NTN1: variants seen among roughly 807,000 people sequenced by gnomAD.
NTN1 encodes the protein netrin 1, also known as netrin-1.
NTN1 carries 11 observed loss-of-function variants against 54.2 expected under a neutral mutation model. The observed-to-expected ratio is 0.20, with a 90% CI of 0.13 to 0.34. NTN1 has a LOEUF of 0.34. Ranked by LOEUF, NTN1 falls within the 10% of genes least tolerant of loss-of-function variation. The pLI is 1.00. For missense variants in NTN1, 740 were observed against 893.1 expected, an observed-to-expected ratio of 0.83 and a Z score of 2.18; for synonymous variants, 371 against 382.0, an observed-to-expected ratio of 0.97 and a Z score of 0.33.
At chr17:9,236,133 G>T (rs531367442) in intron 6 of NTN1, among the ~76,000 whole-genome samples, 14 of 149,048 alleles carry the variant, frequency 9.4e-5, no homozygotes, top group African/African-American at 3.5e-4. Flanking sequence ...TTGGGGGGGG[G>T]GGTACTAACA....
intron 2 of NTN1, among the ~76,000 whole-genome samples, chr17:9,075,878 C>G (rs1198891120): frequency 1.3e-5 from 2 of 152,228 alleles, no homozygotes; most frequent in Non-Finnish European, 2.9e-5. Context: ...TTTCATTTAG[C>G]TGACAGAATC....
At chr17:9,078,406 G>C (rs906210299) in intron 2 of NTN1, among the ~76,000 whole-genome samples, 2 of 152,216 alleles carry the variant, frequency 1.3e-5, no homozygotes, top group Non-Finnish European at 2.9e-5. Context: ...TGGCACAAAG[G>C]CTGGTACATC....
chr17:9,126,591 G>C (rs1172213497), intron 2 of NTN1, among the ~76,000 whole-genome samples: 1 of 152,204 alleles, frequency 6.6e-6, no homozygotes, highest in Non-Finnish European at 1.5e-5. Flanking sequence ...TGCTGCATTT[G>C]GTCTCCTCAG....
intron 6 of NTN1, among the ~76,000 whole-genome samples, chr17:9,232,364 C>T (rs1029916444): frequency 5.3e-5 from 8 of 152,236 alleles, no homozygotes; most frequent in African/African-American, 1.9e-4. Flanking sequence ...TGCTGAGCCT[C>T]ACGGTGCAGA....
the NTN1 span, among the ~76,000 whole-genome samples, chr17:9,005,953 C>T: frequency 1.3e-5 from 2 of 152,220 alleles, no homozygotes; most frequent in South Asian, 2.1e-4. Flanking sequence ...GCCCAGAGGC[C>T]CCCCTTGGCA....
chr17:9,218,421 C>T (rs1483672858), intron 5 of NTN1, among the ~76,000 whole-genome samples: 1 of 152,218 alleles, frequency 6.6e-6, no homozygotes, highest in African/African-American at 2.4e-5. Context: ...TAGTGAGGTA[C>T]AGACTGGATA....
At chr17:9,122,076 C>G (rs376952894) in intron 2 of NTN1, among the ~76,000 whole-genome samples, 1 of 146,020 alleles carries the variant, frequency 6.8e-6, no homozygotes, top group Non-Finnish European at 1.5e-5. Flanking sequence ...CTCGTTCTGT[C>G]GCCCAGGCTG....
At chr17:9,163,185 C>T (rs1426259000) in intron 3 of NTN1, among the ~76,000 whole-genome samples, 184 bp downstream of exon 3, 1 of 134,388 alleles carries the variant, frequency 7.4e-6, no homozygotes, top group Non-Finnish European at 1.6e-5. Flanking sequence ...CACACACACA[C>T]GCCTCCCTGG....
intron 2 of NTN1, among the ~76,000 whole-genome samples, chr17:9,027,443 G>T (rs970868902): frequency 6.6e-5 from 10 of 152,158 alleles, no homozygotes; most frequent in Admixed American, 2.0e-4. Context: ...GGGTGGTGAA[G>T]CTGGGACTCC....
intron 2 of NTN1, among the ~76,000 whole-genome samples, chr17:9,148,343 CA>C (rs1481865986): frequency 1.3e-5 from 2 of 152,150 alleles, no homozygotes; most frequent in Non-Finnish European, 2.9e-5. Flanking sequence ...AAGAAAAACC[CA>C]AACAGGACTC....
At chr17:9,020,864 C>G (rs1443098327), upstream of NTN1, among the ~76,000 whole-genome samples, 1 of 152,220 alleles carries the variant, frequency 6.6e-6, no homozygotes, top group African/African-American at 2.4e-5. Flanking sequence ...AGCCGCGTTC[C>G]CGACAGACAG....
At chr17:9,061,056 A>T (rs554090838) in intron 2 of NTN1, among the ~76,000 whole-genome samples, 1 of 152,006 alleles carries the variant, frequency 6.6e-6, no homozygotes, top group South Asian at 2.1e-4. Flanking sequence ...AAATTACTCA[A>T]CCACAGTGAC....
intron 5 of NTN1, among the ~76,000 whole-genome samples, chr17:9,201,792 A>G (rs1904791793): frequency 6.6e-6 from 1 of 152,024 alleles, no homozygotes; most frequent in Non-Finnish European, 1.5e-5. Flanking sequence ...AGTCAGGGAA[A>G]CAGACTCAGA....
chr17:9,126,750 A>G (rs899002386), intron 2 of NTN1, among the ~76,000 whole-genome samples: 6 of 152,092 alleles, frequency 3.9e-5, no homozygotes, highest in Non-Finnish European at 2.9e-5. Flanking sequence ...GGAGTCAAGC[A>G]CAGATAGAGG....
At chr17:9,079,258 A>G (rs749218668) in intron 2 of NTN1, among the ~76,000 whole-genome samples, 2 of 152,208 alleles carry the variant, frequency 1.3e-5, no homozygotes, top group Non-Finnish European at 2.9e-5. Context: ...CTTGCGGGGT[A>G]GGAGATACCC....
upstream of NTN1, among the ~76,000 whole-genome samples, chr17:9,021,192 CG>C (rs2091845552): frequency 6.6e-6 from 1 of 150,602 alleles, no homozygotes; most frequent in African/African-American, 2.4e-5. Context: ...CCGGGCGGCG[CG>C]GGGCGCGGGC....
At chr17:9,107,920 T>C (rs950064311) in intron 2 of NTN1, among the ~76,000 whole-genome samples, 15 of 152,220 alleles carry the variant, frequency 9.9e-5, no homozygotes, top group Non-Finnish European at 1.5e-5. Flanking sequence ...TTTCTGCTGT[T>C]TGTCATAAAT....
rs1345914303 is a variant in NTN1 at position 9,240,764 on chromosome 17, C to T, written c.*796C>T. 1.3e-5 allele frequency: 2 copies of T among 152,876 alleles called. No individual in the cohort carries two copies. The highest frequency in any genetic ancestry group is 1.9e-4 in the East Asian group (1 of 5,188). 9.5% of individuals were successfully genotyped at this position (152,876 alleles called of 1,614,324 possible). A position where few individuals can be genotyped will look rare whatever the true frequency, so the allele number is the denominator to read the frequency against. The stretch of plus-strand genomic sequence containing the variant: ...GCCCCTGCCCCTGCCCAGCGTGGGG[C>T]TGGCCCATCCGGAAGGCAGTGGGCC... On this transcript the variant is annotated 3_prime_UTR_variant, in exon 7 of 7. Transcript: ENST00000173229.
At chr17:9,234,747 C>T (rs918171047) in intron 6 of NTN1, among the ~76,000 whole-genome samples, 3 of 152,220 alleles carry the variant, frequency 2.0e-5, no homozygotes, top group African/African-American at 7.2e-5. Context: ...CTCTGGGACG[C>T]AGCCGTTGAG....
Sources: allele counts gnomAD v4.1 joint callset (sites outside exome capture counted in the v4.1 genomes callset), GRCh38; gene constraint gnomAD v4.1.1; transcripts MANE v1.5; gene names NCBI Gene and HGNC (gene_info 2026-07-23, HGNC 2026-07-21).